Variants in BANK1 observed in about 807,000 individuals in gnomAD.
BANK1 encodes the protein B-cell scaffold protein with ankyrin repeats.
In BANK1, 95 loss-of-function variants were observed where a neutral mutation model predicts 94.5. The observed-to-expected ratio is 1.00, with a 90% CI of 0.85 to 1.19. BANK1 has a LOEUF of 1.19. Ranked by LOEUF, BANK1 falls within the 50% of genes most tolerant of loss-of-function variation. The probability of loss-of-function intolerance (pLI) is 0.00; values close to 1 mark genes in which losing one functional copy is unlikely to be tolerated. For missense variants in BANK1, 987 were observed against 932.2 expected, an observed-to-expected ratio of 1.06 and a Z score of -0.77; for synonymous variants, 334 against 308.4, an observed-to-expected ratio of 1.08 and a Z score of -0.87.
intron 10 of BANK1, among the ~76,000 whole-genome samples, chr4:102,041,587 G>A (rs1343837705): frequency 6.6e-6 from 1 of 152,044 alleles, no homozygotes; most frequent in Non-Finnish European, 1.5e-5. Flanking sequence ...AGAGAACTCA[G>A]AGGTGGGTAA....
intron 7 of BANK1, among the ~76,000 whole-genome samples, chr4:101,944,287 A>T (rs1011512033): frequency 6.6e-6 from 1 of 151,896 alleles, no homozygotes; most frequent in Admixed American, 6.6e-5. Flanking sequence ...GTGTAAAACT[A>T]TAGTGAATAA....
intron 2 of BANK1, among the ~76,000 whole-genome samples, chr4:101,833,234 C>T (rs1374826566): frequency 8.5e-5 from 13 of 152,196 alleles, no homozygotes; most frequent in South Asian, 2.1e-4. Flanking sequence ...CCACCTCAAC[C>T]GCCCAAAGTG....
At chr4:101,857,194 G>C (rs188068209) in intron 3 of BANK1, among the ~76,000 whole-genome samples, 94 of 152,294 alleles carry the variant, frequency 6.2e-4, no homozygotes, top group African/African-American at 2.1e-3. Flanking sequence ...GATAGTTGAG[G>C]CTTCCCTATC....
At chr4:101,885,007 C>G (rs1728800295) in intron 5 of BANK1, among the ~76,000 whole-genome samples, 1 of 152,170 alleles carries the variant, frequency 6.6e-6, no homozygotes, top group African/African-American at 2.4e-5. Context: ...GCCCTCTCCC[C>G]TTCTGGTTGA....
intron 3 of BANK1, among the ~76,000 whole-genome samples, 171 bp from the exon 4 acceptor site, chr4:101,862,352 TGTA>T (rs1419883528): frequency 1.3e-5 from 2 of 152,114 alleles, no homozygotes; most frequent in Non-Finnish European, 2.9e-5. Context: ...CTATTTAAAA[TGTA>T]GTGAGAATCA....
chr4:101,929,577 G>A (rs191090462), intron 7 of BANK1, among the ~76,000 whole-genome samples: 1 of 151,458 alleles, frequency 6.6e-6, no homozygotes, highest in East Asian at 2.0e-4. Context: ...CTCCTTAAAT[G>A]GGTTAAACTG....
Position 101,790,777 on chromosome 4 carries a change from C to T in BANK1, c.-104C>T. 1.6e-6 allele frequency: 2 copies of T among 1,271,288 alleles called. No homozygotes were observed. Among genetic ancestry groups the T allele is most frequent in the South Asian group, 1.3e-5 (1 of 78,152 alleles). 78.8% of individuals were successfully genotyped at this position (1,271,288 alleles called of 1,614,324 possible). A position where few individuals can be genotyped will look rare whatever the true frequency, so the allele number is the denominator to read the frequency against. ...GGGTGGCAAGCGGGCTGGGGAGAGC[C>T]GAGGGCCAAAGGAAGAGAAAATCGC... On this transcript the variant is annotated 5_prime_UTR_variant, in exon 1 of 17. Transcript: ENST00000322953.
intron 7 of BANK1, among the ~76,000 whole-genome samples, chr4:101,937,790 A>T (rs908719513): frequency 2.0e-5 from 3 of 151,848 alleles, no homozygotes; most frequent in African/African-American, 7.2e-5. Flanking sequence ...ACATGCACAC[A>T]TATGTTTACT....
In BANK1 at chr4:101,944,555, T is replaced by C. The variant is rs534563998; in HGVS notation, c.1206+26366T>C. Among the ~76,000 whole-genome samples, 28 of 152,054 alleles carry C rather than the reference T, an allele frequency of 1.8e-4. No individual in the cohort carries two copies. In the South Asian group the frequency reaches 3.9e-3, roughly 21 times the overall value. On this transcript the variant is annotated intron_variant, in intron 7 of 16. Transcript: ENST00000322953. ...GCATCCTATTCTCTCTCAAAGCACT[T>C]TTGTTTTCATAGTTATTCAAGAACT...
chr4:101,984,881 G>A (rs1725431632), intron 7 of BANK1, among the ~76,000 whole-genome samples: 1 of 152,002 alleles, frequency 6.6e-6, no homozygotes, highest in Admixed American at 6.6e-5. Flanking sequence ...GACCTGAAGT[G>A]ACAACTACTA....
intron 4 of BANK1, among the ~76,000 whole-genome samples, chr4:101,869,293 C>G (rs899750561): frequency 6.6e-6 from 1 of 151,822 alleles, no homozygotes; most frequent in Non-Finnish European, 1.5e-5. Context: ...TCATTTGACT[C>G]CAATAACTCC....
chr4:101,851,560 A>C lies in BANK1; in HGVS notation c.470-3475A>C, dbSNP rs142003440. ...TAGAGTAGAAGGAGAGGGGAAGGAT[A>C]ATCTTGGGTGGCGGTTTATATTTTT... On this transcript the variant is annotated intron_variant, in intron 2 of 16. Transcript: ENST00000322953. Among the ~76,000 whole-genome samples the C allele has an allele frequency of 1.1e-3, 160 of 152,248 alleles. 1 individual carries two copies. Among genetic ancestry groups the C allele is most frequent in the African/African-American group, 3.7e-3 (155 of 41,558 alleles).
At chr4:101,791,527 G>C (rs1166596664) in intron 1 of BANK1, among the ~76,000 whole-genome samples, 1 of 152,170 alleles carries the variant, frequency 6.6e-6, no homozygotes, top group Non-Finnish European at 1.5e-5. Context: ...GAATGCAGAA[G>C]TAGATTTATA....
chr4:101,834,801 A>G (rs1049442090), intron 2 of BANK1, among the ~76,000 whole-genome samples: 1 of 152,206 alleles, frequency 6.6e-6, no homozygotes, highest in Admixed American at 6.5e-5. Context: ...ATGCCAGGAA[A>G]GTCATGGAAA....
At chr4:102,051,553 C>A (rs1728046198) in intron 11 of BANK1, among the ~76,000 whole-genome samples, 1 of 152,068 alleles carries the variant, frequency 6.6e-6, no homozygotes, top group African/African-American at 2.4e-5. Flanking sequence ...CTAATTAATT[C>A]TAAGGTTGAG....
chr4:101,994,626 A>G (rs182993604), intron 7 of BANK1, among the ~76,000 whole-genome samples: 1 of 152,342 alleles, frequency 6.6e-6, no homozygotes, highest in Admixed American at 6.5e-5. Flanking sequence ...TAGGGGCCTT[A>G]GAGATCAATT....
chr4:101,951,465 A>T (rs1023298609), intron 7 of BANK1, among the ~76,000 whole-genome samples: 1 of 152,164 alleles, frequency 6.6e-6, no homozygotes, highest in African/African-American at 2.4e-5. Flanking sequence ...AACTAAAAAC[A>T]GTTGCTTTAA....
At chr4:101,973,824 A>G (rs1026210067) in intron 7 of BANK1, among the ~76,000 whole-genome samples, 1 of 152,270 alleles carries the variant, frequency 6.6e-6, no homozygotes, top group East Asian at 1.9e-4. Flanking sequence ...AATAGAAAAG[A>G]CAATCATATT....
intron 13 of BANK1, among the ~76,000 whole-genome samples, chr4:102,065,743 A>C (rs1210207328): frequency 1.3e-5 from 2 of 152,024 alleles, no homozygotes; most frequent in Non-Finnish European, 2.9e-5. Context: ...CCAAGTAGAA[A>C]GTATAGAAAG....
Sources: gnomAD v4.1 joint callset for allele counts (sites outside exome capture counted in the v4.1 genomes callset) on GRCh38, gnomAD v4.1.1 for gene constraint, MANE v1.5 for transcripts, NCBI Gene and HGNC (gene_info 2026-07-23, HGNC 2026-07-21) for gene names.